The following ARL15 variants were observed in gnomAD, a reference collection of about 807,000 sequenced individuals.
ARL15 encodes ARF like GTPase 15.
In ARL15, 19 loss-of-function variants were observed where a neutral mutation model predicts 25.2. That is an observed-to-expected ratio of 0.75 (90% CI 0.53 to 1.10). ARL15 has a LOEUF of 1.10. Ranked by LOEUF, ARL15 falls within the 50% of genes least tolerant of loss-of-function variation. The pLI is 0.00. For synonymous variants in ARL15, 94 were observed against 86.8 expected (o/e 1.08, Z -0.46); for missense variants, 220 against 246.0 (o/e 0.89, Z 0.71).
chr5:54,268,646 T>C (rs1757694290), intron 1 of ARL15, among the ~76,000 whole-genome samples: 2 of 152,234 alleles, frequency 1.3e-5, no homozygotes, highest in South Asian at 4.1e-4. Context: ...TGGGTTTCAT[T>C]GTGGAAGTCA....
At chr5:54,205,903 T>A (rs887227449) in intron 1 of ARL15, among the ~76,000 whole-genome samples, 1 of 152,166 alleles carries the variant, frequency 6.6e-6, no homozygotes, top group African/African-American at 2.4e-5. Context: ...AAGAAAGACA[T>A]GAACACTGTT....
chr5:53,917,661 G>A (rs555456014), intron 4 of ARL15, among the ~76,000 whole-genome samples: 2 of 152,228 alleles, frequency 1.3e-5, no homozygotes, highest in Non-Finnish European at 2.9e-5. Flanking sequence ...TATTGATTCA[G>A]GAAACAGTGC....
chr5:54,156,995 C>T (rs185478154), intron 2 of ARL15, among the ~76,000 whole-genome samples: 100 of 152,278 alleles, frequency 6.6e-4, no homozygotes, highest in Non-Finnish European at 1.4e-3. Context: ...CTACCTCACA[C>T]GGGTGTTATA....
At chr5:54,106,822 A>G (rs1374073572) in intron 4 of ARL15, among the ~76,000 whole-genome samples, 1 of 152,062 alleles carries the variant, frequency 6.6e-6, no homozygotes, top group African/African-American at 2.4e-5. Context: ...TTACAACCTT[A>G]AGGAGTAGAC....
chr5:54,047,288 T>C (rs551237456), intron 4 of ARL15, among the ~76,000 whole-genome samples: 1 of 152,304 alleles, frequency 6.6e-6, no homozygotes, highest in African/African-American at 2.4e-5. Flanking sequence ...GAGATTGACT[T>C]GTTCATGTAA....
At chr5:54,029,632 C>A (rs539160616) in intron 4 of ARL15, among the ~76,000 whole-genome samples, 3 of 152,144 alleles carry the variant, frequency 2.0e-5, no homozygotes, top group South Asian at 2.1e-4. Flanking sequence ...GCCAAGGTTG[C>A]AGGATCTCTT....
chr5:54,197,583 T>C (rs1755586453), intron 1 of ARL15, among the ~76,000 whole-genome samples: 1 of 152,160 alleles, frequency 6.6e-6, no homozygotes, highest in Admixed American at 6.6e-5. Flanking sequence ...CATTCACTTA[T>C]TTAAAACATT....
intron 1 of ARL15, among the ~76,000 whole-genome samples, chr5:54,211,729 C>A (rs1756048456): frequency 6.6e-6 from 1 of 152,078 alleles, no homozygotes; most frequent in Non-Finnish European, 1.5e-5. Context: ...GCCTCAGTCT[C>A]CCAAAGTGCT....
intron 1 of ARL15, among the ~76,000 whole-genome samples, chr5:54,225,591 C>T (rs148441448): frequency 1.6e-4 from 25 of 152,094 alleles, no homozygotes; most frequent in African/African-American, 5.3e-4. Flanking sequence ...TCTTGTGAAG[C>T]GAAGGTTTCA....
chr5:54,118,053 G>C (rs1752959726), intron 3 of ARL15, among the ~76,000 whole-genome samples: 1 of 152,074 alleles, frequency 6.6e-6, no homozygotes, highest in South Asian at 2.1e-4. Context: ...ACAAAACCAT[G>C]CATAGATAAA....
chr5:54,256,611 T>TAAAAAAA (rs71600817), intron 1 of ARL15, among the ~76,000 whole-genome samples: 1 of 112,494 alleles, frequency 8.9e-6, no homozygotes, highest in African/African-American at 3.2e-5. Context: ...TGAAAGAATG[T>TAAAAAAA]AAAAAAAAAA....
intron 4 of ARL15, among the ~76,000 whole-genome samples, chr5:53,920,603 T>A (rs190650388): frequency 6.6e-6 from 1 of 151,490 alleles, no homozygotes; most frequent in South Asian, 2.1e-4. Context: ...GCCCAGGAGT[T>A]TGAGACAAGC....
chr5:54,138,124 A>G (rs1222145701), intron 3 of ARL15, among the ~76,000 whole-genome samples: 4 of 152,198 alleles, frequency 2.6e-5, no homozygotes, highest in African/African-American at 9.6e-5. Context: ...TTACTAATGT[A>G]TAAATCTCTA....
Position 54,227,823 on chromosome 5 carries a change from T to C in ARL15, c.49-55895A>G, listed in dbSNP as rs533663834. On this transcript the variant is annotated intron_variant, in intron 1 of 4. Transcript: ENST00000504924. ...CAAGAAAACCCAGAGTCTACAGAAA[T>C]CAAAAGTGACAGAATCATCATTTCA... 2.2e-3 allele frequency among the ~76,000 whole-genome samples: 328 copies of C among 152,244 alleles called. 1 individual carries two copies. Among genetic ancestry groups the C allele is most frequent in the African/African-American group, 7.6e-3 (317 of 41,546 alleles).
At chr5:54,062,250 A>G (rs1174746558) in intron 4 of ARL15, among the ~76,000 whole-genome samples, 1 of 152,182 alleles carries the variant, frequency 6.6e-6, no homozygotes, top group Admixed American at 6.5e-5. Flanking sequence ...GGCTTTGGAC[A>G]GTGGACTTTT....
chr5:53,887,892 A>G (rs932846355), intron 4 of ARL15, among the ~76,000 whole-genome samples: 2 of 152,200 alleles, frequency 1.3e-5, no homozygotes, highest in African/African-American at 4.8e-5. Context: ...GACAGTAGAG[A>G]TATGCTATCC....
intron 1 of ARL15, among the ~76,000 whole-genome samples, chr5:54,273,995 C>A (rs1238782788): frequency 2.6e-5 from 4 of 152,166 alleles, no homozygotes; most frequent in Non-Finnish European, 5.9e-5. Flanking sequence ...TTAGGTCTTT[C>A]TAAGCAAGGA....
At chr5:54,113,158 T>C (rs981361687) in intron 4 of ARL15, 44 bp downstream of exon 4, 1 of 1,593,456 alleles carries the variant, frequency 6.3e-7, no homozygotes, top group African/African-American at 1.3e-5. Context: ...GCAGCAAAAG[T>C]ACAAGCAAGG....
chr5:54,266,795 C>T (rs1181877420), intron 1 of ARL15, among the ~76,000 whole-genome samples: 2 of 152,116 alleles, frequency 1.3e-5, no homozygotes, highest in Non-Finnish European at 2.9e-5. Context: ...AATGAACTTA[C>T]AGGAAAACCA....
Sources: gnomAD v4.1 joint callset for allele counts (sites outside exome capture counted in the v4.1 genomes callset) on GRCh38, gnomAD v4.1.1 for gene constraint, MANE v1.5 for transcripts, NCBI Gene and HGNC (gene_info 2026-07-23, HGNC 2026-07-21) for gene names.